ASH1L: variants seen among roughly 807,000 people sequenced by gnomAD.
ASH1L encodes the protein ASH1 like histone lysine methyltransferase.
Under a neutral mutation model 269.0 loss-of-function variants are expected in ASH1L, and 23 were observed. The observed-to-expected ratio is 0.09, with a 90% CI of 0.06 to 0.12. The LOEUF (loss-of-function observed/expected upper bound fraction) is 0.12. ASH1L is among the 10% of genes least tolerant of loss of function. ASH1L has a pLI of 1.00. For missense variants in ASH1L, 2,912 were observed against 3,567.8 expected (o/e 0.82, Z 4.68); for synonymous variants, 1,187 against 1,253.5 (o/e 0.95, Z 1.12).
chr1:155,436,648 C>T (rs1662123931), intron 5 of ASH1L, among the ~76,000 whole-genome samples: 1 of 151,804 alleles, frequency 6.6e-6, no homozygotes, highest in African/African-American at 2.4e-5. Flanking sequence ...AGGCACACAC[C>T]ACCACGCCTG....
At position 155,415,911 on chromosome 1, in the gene ASH1L, T is replaced by C. The variant is rs932225714; in HGVS notation, c.5841A>G (p.Ala1947=). The C allele has an allele frequency of 8.3e-6, 13 of 1,563,402 alleles. No homozygotes were observed. The highest frequency in any genetic ancestry group is 1.4e-5 in the African/African-American group (1 of 72,260). ...EQENNKSFNE[A]PVEIPSPSET... is the part of the protein sequence containing the mutation. ...CAGAAGGACTGGGAATCTCAACTGGTGCTTCATTAAAGCTAGAAAGAGAAG... is the reference window on the plus strand; with the variant it reads ...CAGAAGGACTGGGAATCTCAACTGGCGCTTCATTAAAGCTAGAAAGAGAAG... Residue 1947 remains alanine (A), a synonymous_variant, in exon 6 of 28, where the codon GCA becomes GCG. Coordinates refer to ENST00000392403, the MANE Select transcript of ASH1L (RefSeq NM_018489.3).
intron 5 of ASH1L, among the ~76,000 whole-genome samples, chr1:155,422,334 A>C (rs1342176111): frequency 7.6e-6 from 1 of 131,918 alleles, no homozygotes. Flanking sequence ...TTGAGATGGC[A>C]TCTTGCTCTT....
At chr1:155,381,444 G>A (rs933042385) in intron 7 of ASH1L, among the ~76,000 whole-genome samples, 1 of 152,104 alleles carries the variant, frequency 6.6e-6, no homozygotes, top group Admixed American at 6.5e-5. Flanking sequence ...CAGCTACTCA[G>A]GAGGCTGAGG....
intron 1 of ASH1L, among the ~76,000 whole-genome samples, chr1:155,532,131 A>T (rs1438203424): frequency 6.6e-6 from 1 of 152,134 alleles, no homozygotes; most frequent in African/African-American, 2.4e-5. Context: ...AAACAGGCAA[A>T]CTCAATATTC....
At chr1:155,405,541 C>G (rs538310840) in intron 6 of ASH1L, among the ~76,000 whole-genome samples, 1 of 152,028 alleles carries the variant, frequency 6.6e-6, no homozygotes, top group African/African-American at 2.4e-5. Context: ...GGTTAAAGAT[C>G]AAAATAGGTC....
intron 10 of ASH1L, among the ~76,000 whole-genome samples, chr1:155,371,415 G>A (rs1042193096): frequency 1.3e-5 from 2 of 152,114 alleles, no homozygotes; most frequent in Admixed American, 1.3e-4. Flanking sequence ...GGGTGTGGTG[G>A]TGTGCACCTG....
intron 4 of ASH1L, among the ~76,000 whole-genome samples, chr1:155,446,460 G>T (rs1178988675): frequency 6.6e-6 from 1 of 150,916 alleles, no homozygotes; most frequent in African/African-American, 2.4e-5. Context: ...CACCACGCCC[G>T]GCTAATTTTT....
intron 12 of ASH1L, chr1:155,370,237 T>C (rs930762338): frequency 6.3e-6 from 3 of 475,502 alleles, no homozygotes; most frequent in Admixed American, 3.4e-5. Context: ...TTCTAGGACA[T>C]AGATCCTGAA....
intron 15 of ASH1L, 23 bp downstream of exon 15, chr1:155,357,293 G>A: frequency 3.2e-6 from 5 of 1,569,276 alleles, no homozygotes; most frequent in Non-Finnish European, 3.5e-6. Context: ...CAAAGAACAT[G>A]GATAAGGATA....
chr1:155,551,240 G>A (rs1671177484), intron 1 of ASH1L, among the ~76,000 whole-genome samples: 1 of 150,906 alleles, frequency 6.6e-6, no homozygotes, highest in Admixed American at 6.6e-5. Flanking sequence ...CCAATGGAAT[G>A]CCTGGATGAA....
chr1:155,442,561 C>A (rs373886659), intron 4 of ASH1L, among the ~76,000 whole-genome samples: 1 of 127,446 alleles, frequency 7.8e-6, no homozygotes, highest in South Asian at 2.4e-4. Context: ...CCAGCCTGGG[C>A]GACAAGAGCA....
At chr1:155,498,719 G>A (rs1454242751) in intron 2 of ASH1L, among the ~76,000 whole-genome samples, 1 of 151,938 alleles carries the variant, frequency 6.6e-6, no homozygotes, top group Non-Finnish European at 1.5e-5. Context: ...GGGATTACAG[G>A]CATAAGCCAC....
chr1:155,475,533 G>GTT, intron 3 of ASH1L, among the ~76,000 whole-genome samples: 1 of 152,072 alleles, frequency 6.6e-6, no homozygotes, highest in Non-Finnish European at 1.5e-5. Flanking sequence ...CCTTTAATCT[G>GTT]TATCATAACA....
intron 3 of ASH1L, among the ~76,000 whole-genome samples, chr1:155,471,840 A>C (rs1665123806): frequency 6.6e-6 from 1 of 152,254 alleles, no homozygotes; most frequent in African/African-American, 2.4e-5. Context: ...CTGCAGTCTC[A>C]TGATGAACTC....
intron 1 of ASH1L, among the ~76,000 whole-genome samples, chr1:155,551,886 G>C (rs182487764): frequency 1.8e-4 from 28 of 151,434 alleles, no homozygotes; most frequent in Middle Eastern, 6.9e-3. Context: ...TGAAGCAGGA[G>C]AATCACTTGA....
In ASH1L at chr1:155,343,690, C is replaced by T. The variant is rs748779793; in HGVS notation, c.8034G>A (p.Pro2678=). 45 of 1,613,930 alleles carry T rather than the reference C, an allele frequency of 2.8e-5. No homozygotes were observed. Among genetic ancestry groups the T allele is most frequent in the South Asian group, 1.5e-4 (14 of 91,080 alleles). The part of the protein sequence containing the change: ...RDSRRTPDGH[P]VRQSYRLLSH... The stretch of plus-strand genomic sequence containing the variant: ...ATAACAGTCGATAGGACTGACGGAC[C>T]GGGTGGCCATCAGGGGTGCGCCGAC... Residue 2678 remains proline, a synonymous_variant, in exon 23 of 28, where the codon CCG becomes CCA. Coordinates refer to ENST00000392403, the MANE Select transcript of ASH1L (RefSeq NM_018489.3). The surrounding 1 kb of genome is among the most constrained non-coding windows in gnomAD (Gnocchi z 6.1).
At chr1:155,408,821 C>T (rs1364349168) in intron 6 of ASH1L, among the ~76,000 whole-genome samples, 3 of 151,884 alleles carry the variant, frequency 2.0e-5, no homozygotes, top group Non-Finnish European at 2.9e-5. Context: ...TAGAGTCAAG[C>T]CTGGGCAACA....
At chr1:155,433,504 T>C (rs1162305638) in intron 5 of ASH1L, 44 of 1,610,526 alleles carry the variant, frequency 2.7e-5, no homozygotes, top group Non-Finnish European at 3.6e-5. Flanking sequence ...GCAACTCCGA[T>C]GGCACCTCCC....
chr1:155,436,034 G>A, intron 5 of ASH1L, among the ~76,000 whole-genome samples: 1 of 152,158 alleles, frequency 6.6e-6, no homozygotes, highest in East Asian at 1.9e-4. Flanking sequence ...CTGGGTGACA[G>A]AGTGAAACTC....
Sources: allele counts gnomAD v4.1 joint callset (sites outside exome capture counted in the v4.1 genomes callset), GRCh38; gene constraint gnomAD v4.1.1; non-coding constraint Gnocchi (gnomAD v3.1); transcripts MANE v1.5; gene names NCBI Gene and HGNC (gene_info 2026-07-23, HGNC 2026-07-21).